PLA2R1: variants seen among roughly 807,000 people sequenced by gnomAD.
The protein encoded by PLA2R1 is secretory phospholipase A2 receptor.
PLA2R1 carries 158 observed loss-of-function variants against 195.9 expected under a neutral mutation model. That is an observed-to-expected ratio of 0.81 (90% CI 0.71 to 0.92). The LOEUF is 0.92. Among genes scored for constraint, PLA2R1 ranks in the 40% least tolerant of loss-of-function variants. PLA2R1 has a pLI of 0.00. For synonymous variants in PLA2R1, 586 were observed against 598.2 expected, an observed-to-expected ratio of 0.98 and a Z score of 0.30; for missense variants, 1,626 against 1,764.6, an observed-to-expected ratio of 0.92 and a Z score of 1.41.
rs766928406 is a variant in PLA2R1 at position 160,033,106 on chromosome 2, T to C, written c.694A>G (p.Ile232Val). Residue 232 changes from isoleucine (I) to valine (V), a missense_variant, in exon 4 of 30, where the codon ATT (isoleucine) becomes GTT (valine). Physicochemically the swap from Ile to Val is conservative, Grantham distance 29. Coordinates refer to ENST00000283243, the MANE Select transcript of PLA2R1 (RefSeq NM_007366.5). Reference protein sequence around the residue: ...PTSAEVGCDTIWEKDLNSHIC... With the variant: ...PTSAEVGCDTVWEKDLNSHIC... The stretch of plus-strand genomic sequence containing the variant: ...TGTGAATTGAGGTCCTTCTCCCAAA[T>C]AGTATCACAACCTACTTCTGCAGAG... 2.5e-6 allele frequency: 4 copies of C among 1,612,564 alleles called. No homozygotes were observed. The highest frequency in any genetic ancestry group is 2.7e-5 in the African/African-American group (2 of 74,842).
rs147768893 is a variant in PLA2R1, at chr2:160,062,539, G to A, written c.-136C>T. 3.3e-3 allele frequency: 4,626 copies of A among 1,382,906 alleles called. 23 individuals are homozygous for A. Among genetic ancestry groups the A allele is most frequent in the Non-Finnish European group, 3.8e-3 (4,051 of 1,072,634 alleles). The allele number at this position is 1,382,906 out of a possible 1,614,324, so 85.7% of individuals were successfully genotyped here. A position where few individuals can be genotyped will look rare whatever the true frequency, so the allele number is the denominator to read the frequency against. ...CCTCCTCCGCGCCCCACCCCCTCCG[G>A]GGGCCTTGCCAGCCCAGAGCCCTGG... On this transcript the variant is annotated 5_prime_UTR_variant, in exon 1 of 30. Transcript: ENST00000283243.
At chr2:160,036,769 G>A (rs539575596) in intron 3 of PLA2R1, among the ~76,000 whole-genome samples, 1 of 152,156 alleles carries the variant, frequency 6.6e-6, no homozygotes, top group Non-Finnish European at 1.5e-5. Context: ...CCCCAACCCA[G>A]AATCTATACA....
Position 159,947,430 on chromosome 2 carries a change from C to T in PLA2R1, c.3839G>A (p.Cys1280Tyr). ...ACAAAAACAATTACCTTCCTTTTTG[C>T]AAAATTCATGAGCAGCCTCAAAACT... ...SMSFEAAHEF[C>Y]KKEGSNLLTI... Residue 1280 changes from cysteine to tyrosine, a missense_variant, in exon 26 of 30, where the codon TGC becomes TAC. Physicochemically the swap from Cys to Tyr is radical, Grantham distance 194 (BLOSUM62 -2). Coordinates refer to ENST00000283243, the MANE Select transcript of PLA2R1 (RefSeq NM_007366.5). 6.3e-7 allele frequency: 1 copy of T among 1,591,378 alleles called. No individual in the cohort carries two copies. Among genetic ancestry groups the T allele is most frequent in the Non-Finnish European group, 8.5e-7 (1 of 1,173,056 alleles).
rs1394912660 is a variant in PLA2R1, at chr2:159,946,840, C to G, written c.3928G>C (p.Val1310Leu). The change falls in exon 27 of 30, where the codon GTC becomes CTC. Residue 1310 changes from valine to leucine, a missense_variant. Physicochemically the swap from Val to Leu is conservative, Grantham distance 32 (BLOSUM62 1). Transcript: ENST00000283243. ...LEELFAFGSS[V>L]QMVWLNAQFD... ...TGAGCATTCAACCAAACCATCTGGACAGAAGAACCAAAAGCAAACAGCTCT... is the reference window on the plus strand; with the variant it reads ...TGAGCATTCAACCAAACCATCTGGAGAGAAGAACCAAAAGCAAACAGCTCT... The G allele has an allele frequency of 6.2e-7, 1 of 1,610,766 alleles. No homozygotes were observed. The highest frequency in any genetic ancestry group is 8.5e-7 in the Non-Finnish European group (1 of 1,178,862).
chr2:159,954,719 G>A (rs1208680665), intron 23 of PLA2R1, among the ~76,000 whole-genome samples: 2 of 152,082 alleles, frequency 1.3e-5, no homozygotes, highest in East Asian at 3.8e-4. Context: ...ATTTGTAATA[G>A]TGTGGCTTTG....
intron 3 of PLA2R1, among the ~76,000 whole-genome samples, chr2:160,038,017 A>T (rs1257974759): frequency 1.3e-5 from 2 of 152,188 alleles, no homozygotes; most frequent in African/African-American, 4.8e-5. Context: ...TGTTCAATAC[A>T]TATTTGTTAA....
At chr2:159,961,613 A>G (rs1688446118) in intron 20 of PLA2R1, among the ~76,000 whole-genome samples, 3 of 152,246 alleles carry the variant, frequency 2.0e-5, no homozygotes, top group Middle Eastern at 6.8e-3. Flanking sequence ...TAGCTTCAGA[A>G]GGCGCCTCCC....
chr2:159,984,680 T>G (rs1237082960), intron 12 of PLA2R1, among the ~76,000 whole-genome samples: 1 of 152,246 alleles, frequency 6.6e-6, no homozygotes, highest in Non-Finnish European at 1.5e-5. Flanking sequence ...AAATCTCTGC[T>G]GCTTCTCAGC....
At chr2:159,976,620 A>C (rs553413756) in intron 16 of PLA2R1, 65 bp downstream of exon 16, 67 of 1,001,592 alleles carry the variant, frequency 6.7e-5, no homozygotes, top group Non-Finnish European at 9.4e-5. Context: ...TTAATGGTAT[A>C]TAATAGCACT....
chr2:159,999,046 T>C (rs1691417161), intron 11 of PLA2R1, among the ~76,000 whole-genome samples: 1 of 152,044 alleles, frequency 6.6e-6, no homozygotes, highest in Non-Finnish European at 1.5e-5. Flanking sequence ...ATGAATGGGA[T>C]TGGTGCTTTT....
In PLA2R1 at chr2:159,949,570, A is replaced by C. The variant is rs1179647328; in HGVS notation, c.3709+38T>G. ...ACAGTGTCTTGCATACAGTAGTTAAATAAGGTATATTTTTGAGTTGAATAG... is the reference window on the plus strand; with the variant it reads ...ACAGTGTCTTGCATACAGTAGTTAACTAAGGTATATTTTTGAGTTGAATAG... On this transcript the variant is annotated intron_variant, in intron 25 of 29. Transcript: ENST00000283243. 9 of 1,499,322 alleles carry C rather than the reference A, an allele frequency of 6.0e-6. No individual in the cohort carries two copies. The Admixed American group carries it at 1.5e-4, about 25-fold the overall frequency. 92.9% of individuals were successfully genotyped at this position (1,499,322 alleles called of 1,614,324 possible).
intron 2 of PLA2R1, among the ~76,000 whole-genome samples, chr2:160,043,257 T>C (rs1481891369): frequency 6.6e-6 from 1 of 151,882 alleles, no homozygotes; most frequent in Admixed American, 6.6e-5. Flanking sequence ...TGATGCCCTG[T>C]TTGCAAAGGG....
chr2:159,949,260 A>G (rs937402706), intron 25 of PLA2R1, among the ~76,000 whole-genome samples: 1 of 151,336 alleles, frequency 6.6e-6, no homozygotes, highest in African/African-American at 2.4e-5. Context: ...TTCCTTCCCC[A>G]TTTTCATCCA....
chr2:160,059,781 C>T (rs1695829194), intron 1 of PLA2R1, among the ~76,000 whole-genome samples: 1 of 152,142 alleles, frequency 6.6e-6, no homozygotes, highest in Non-Finnish European at 1.5e-5. Flanking sequence ...TCTTACGTGG[C>T]AGCGGCAAGA....
chr2:159,962,796 ACAC>A (rs1688535213), intron 20 of PLA2R1, among the ~76,000 whole-genome samples: 1 of 152,166 alleles, frequency 6.6e-6, no homozygotes, highest in South Asian at 2.1e-4. Context: ...AGAAAACCAA[ACAC>A]CACATGTTCT....
At chr2:159,971,262 C>T (rs1225725426) in intron 17 of PLA2R1, among the ~76,000 whole-genome samples, 1 of 152,098 alleles carries the variant, frequency 6.6e-6, no homozygotes, top group Non-Finnish European at 1.5e-5. Flanking sequence ...AAAAAAACCA[C>T]TTAATCTAAG....
intron 11 of PLA2R1, among the ~76,000 whole-genome samples, chr2:159,998,649 T>C (rs1471672139): frequency 6.6e-6 from 1 of 152,192 alleles, no homozygotes; most frequent in African/African-American, 2.4e-5. Flanking sequence ...TGTCCTACTC[T>C]GGCCTTATCT....
At chr2:160,020,741 T>C (rs568539276) in intron 7 of PLA2R1, among the ~76,000 whole-genome samples, 4 of 152,334 alleles carry the variant, frequency 2.6e-5, no homozygotes, top group African/African-American at 9.6e-5. Context: ...TGTGGTCCTT[T>C]GACCTTGAAC....
At position 159,939,555 on chromosome 2, in the gene PLA2R1, A is replaced by G. The variant is rs987331157; in HGVS notation, c.*2223T>C. ...AAAGTTTCAAAAAAAATGCAAATAT[A>G]AAAATGTAGCAGAATACTTCAGTAC... On this transcript the variant is annotated 3_prime_UTR_variant, in exon 30 of 30. Coordinates refer to ENST00000283243, the MANE Select transcript of PLA2R1 (RefSeq NM_007366.5). 11 of 152,138 alleles carry G rather than the reference A, an allele frequency of 7.2e-5. No homozygotes were observed. Among genetic ancestry groups the G allele is most frequent in the Admixed American group, 7.2e-4 (11 of 15,272 alleles). The allele number at this position is 152,138 out of a possible 1,614,324, so 9.4% of individuals were successfully genotyped here. A position where few individuals can be genotyped will look rare whatever the true frequency, so the allele number is the denominator to read the frequency against.
Sources: allele counts gnomAD v4.1 joint callset (sites outside exome capture counted in the v4.1 genomes callset), GRCh38; gene constraint gnomAD v4.1.1; transcripts MANE v1.5; gene names NCBI Gene and HGNC (gene_info 2026-07-23, HGNC 2026-07-21).